FAM81A: variants seen among roughly 807,000 people sequenced by gnomAD.
FAM81A encodes the protein protein FAM81A.
In FAM81A, 19 loss-of-function variants were observed where a neutral mutation model predicts 46.7. The observed-to-expected ratio is 0.41, with a 90% confidence interval of 0.28 to 0.60. The LOEUF is 0.60. Ranked by LOEUF, FAM81A falls within the 20% of genes least tolerant of loss-of-function variation. The pLI, the probability that FAM81A is intolerant of heterozygous loss-of-function variation, is 0.34. For missense variants in FAM81A, 377 were observed against 453.5 expected, an observed-to-expected ratio of 0.83 and a Z score of 1.53; for synonymous variants, 183 against 152.9, an observed-to-expected ratio of 1.20 and a Z score of -1.45.
upstream of FAM81A, among the ~76,000 whole-genome samples, chr15:59,433,618 G>A (rs866180909): frequency 3.9e-5 from 6 of 152,080 alleles, no homozygotes; most frequent in African/African-American, 1.4e-4. Context: ...TATTCAAAAC[G>A]TATGAAAAAT....
At chr15:59,515,292 C>G (rs1249867371) in intron 7 of FAM81A, among the ~76,000 whole-genome samples, 1 of 152,164 alleles carries the variant, frequency 6.6e-6, no homozygotes, top group Non-Finnish European at 1.5e-5. Context: ...AATTGTTATG[C>G]TCCCAAACCA....
chr15:59,473,777 G>A (rs4775172), intron 3 of FAM81A, among the ~76,000 whole-genome samples: 117,825 of 151,920 alleles, frequency 0.78, 45,836 homozygotes, highest in East Asian at 0.85. Flanking sequence ...TGCAACTGTC[G>A]GATCCAGGGA....
intron 3 of FAM81A, among the ~76,000 whole-genome samples, chr15:59,472,521 C>A (rs1460839723): frequency 6.6e-6 from 1 of 151,716 alleles, no homozygotes; most frequent in Admixed American, 6.6e-5. Flanking sequence ...CCTGCATAAC[C>A]CAGCTTCCCT....
At chr15:59,513,784 C>T (rs1410306414) in intron 6 of FAM81A, among the ~76,000 whole-genome samples, 3 of 152,116 alleles carry the variant, frequency 2.0e-5, no homozygotes, top group African/African-American at 7.2e-5. Context: ...TACGTATGTT[C>T]ACTGCAGCAG....
intron 3 of FAM81A, among the ~76,000 whole-genome samples, chr15:59,482,258 C>T (rs140005913): frequency 6.6e-6 from 1 of 152,128 alleles, no homozygotes; most frequent in Non-Finnish European, 1.5e-5. Flanking sequence ...TTTGTCATTT[C>T]TGAAGTGTCT....
chr15:59,466,989 T>C (rs1426977686), intron 3 of FAM81A, among the ~76,000 whole-genome samples: 1 of 152,140 alleles, frequency 6.6e-6, no homozygotes, highest in East Asian at 1.9e-4. Context: ...CTTGTTTTTG[T>C]CAGGTTTGTC....
chr15:59,491,871 CAGG>C (rs1413913735), intron 3 of FAM81A, among the ~76,000 whole-genome samples: 3 of 151,998 alleles, frequency 2.0e-5, no homozygotes, highest in African/African-American at 7.3e-5. Flanking sequence ...GAAGCTGAGG[CAGG>C]AGAATTGCTT....
intron 3 of FAM81A, among the ~76,000 whole-genome samples, chr15:59,469,638 C>T (rs570669120): frequency 6.6e-6 from 1 of 151,926 alleles, no homozygotes; most frequent in South Asian, 2.1e-4. Flanking sequence ...CTCCTGAATA[C>T]AGCACACTGA....
chr15:59,430,986 G>A (rs2081217326), intron 2 of FAM81A, among the ~76,000 whole-genome samples: 1 of 152,138 alleles, frequency 6.6e-6, no homozygotes, highest in Non-Finnish European at 1.5e-5. Context: ...AAATAAATGT[G>A]TATGTTAAAC....
At chr15:59,520,288 C>T (rs1456637214) in intron 8 of FAM81A, among the ~76,000 whole-genome samples, 1 of 152,136 alleles carries the variant, frequency 6.6e-6, no homozygotes, top group Non-Finnish European at 1.5e-5. Flanking sequence ...TCTTCACACC[C>T]TCGCTAATGC....
intron 4 of FAM81A, among the ~76,000 whole-genome samples, chr15:59,497,516 G>A (rs116251781): frequency 0.016 from 2,504 of 152,238 alleles, 85 homozygotes; most frequent in African/African-American, 0.058. Flanking sequence ...GATAGGGACT[G>A]TGTTGAATCT....
In FAM81A at chr15:59,521,298, C is replaced by T. The variant is rs775663445; in HGVS notation, c.1027C>T (p.Leu343Phe). ...YESIGSLRQV[L>F]EAKMKLDRDQ... ...AAGCATAGGATCCCTCAGGCAAGTT[C>T]TCGAGGCCAAGATGAAGCTGGACAG... Residue 343 changes from leucine to phenylalanine, a missense_variant, in exon 9 of 9, where the codon CTC (leucine) becomes TTC (phenylalanine). Leu to Phe is a conservative substitution (Grantham distance 22). Transcript: ENST00000288228. 3.2e-5 allele frequency: 51 copies of T among 1,613,710 alleles called. No homozygotes were observed. The highest frequency in any genetic ancestry group is 4.0e-5 in the Non-Finnish European group (47 of 1,179,822).
At chr15:59,519,635 A>G (rs1258187902) in intron 8 of FAM81A, among the ~76,000 whole-genome samples, 1 of 102,638 alleles carries the variant, frequency 9.7e-6, no homozygotes, top group African/African-American at 3.9e-5. Flanking sequence ...TTCTTTTTTT[A>G]GATTCCACAT....
chr15:59,404,102 C>T (rs1277888712), intron 2 of FAM81A, among the ~76,000 whole-genome samples: 1 of 151,950 alleles, frequency 6.6e-6, no homozygotes, highest in Admixed American at 6.6e-5. Context: ...AGGATGGTCT[C>T]GATCTCTTGA....
chr15:59,516,919 A>G (rs1049855892), intron 8 of FAM81A, 79 bp downstream of exon 8: 3 of 1,292,478 alleles, frequency 2.3e-6, no homozygotes, highest in Non-Finnish European at 3.1e-6. Flanking sequence ...CCCTGCAACT[A>G]CCTATGAACC....
intron 1 of FAM81A, chr15:59,439,891 G>T (rs2081279136): frequency 6.6e-6 from 1 of 152,150 alleles, no homozygotes; most frequent in Non-Finnish European, 1.5e-5. Context: ...ACTCCGACCT[G>T]GCTTTAAATG....
intron 3 of FAM81A, among the ~76,000 whole-genome samples, chr15:59,465,481 T>TA (rs1182284848): frequency 2.0e-5 from 3 of 152,054 alleles, no homozygotes; most frequent in Non-Finnish European, 4.4e-5. Context: ...CCATGTTGGC[T>TA]AGGCTGGTCT....
intron 4 of FAM81A, among the ~76,000 whole-genome samples, chr15:59,497,760 G>T (rs949111673): frequency 6.6e-6 from 1 of 152,144 alleles, no homozygotes; most frequent in Non-Finnish European, 1.5e-5. Context: ...GGTGGCACAT[G>T]CCTGTAGTTG....
At chr15:59,471,826 T>C (rs1259339823) in intron 3 of FAM81A, among the ~76,000 whole-genome samples, 1 of 152,168 alleles carries the variant, frequency 6.6e-6, no homozygotes, top group East Asian at 1.9e-4. Flanking sequence ...TTTGAGATTC[T>C]CACATGTTTA....
Sources: gnomAD v4.1 joint callset for allele counts (sites outside exome capture counted in the v4.1 genomes callset) on GRCh38, gnomAD v4.1.1 for gene constraint, MANE v1.5 for transcripts, NCBI Gene and HGNC (gene_info 2026-07-23, HGNC 2026-07-21) for gene names.